The following PCDH9 variants were observed in gnomAD, a reference collection of about 807,000 sequenced individuals.
The protein encoded by PCDH9 is protocadherin 9.
Under a neutral mutation model 70.6 loss-of-function variants are expected in PCDH9, and 24 were observed. The ratio of observed to expected loss-of-function variants is 0.34; its 90% CI spans 0.25 to 0.48. The LOEUF is 0.48. PCDH9 is among the 20% of genes least tolerant of loss of function. The probability of loss-of-function intolerance (pLI) is 0.99; values close to 1 mark genes in which losing one functional copy is unlikely to be tolerated. For missense variants in PCDH9, 1,281 were observed against 1,503.6 expected (o/e 0.85, Z 2.45); for synonymous variants, 562 against 558.5 (o/e 1.01, Z -0.09).
chr13:66,883,047 T>C (rs1733107725), intron 3 of PCDH9, among the ~76,000 whole-genome samples: 2 of 152,186 alleles, frequency 1.3e-5, no homozygotes, highest in African/African-American at 2.4e-5. Context: ...TTTTCTCATC[T>C]TTTATTTTCA....
At chr13:67,134,992 C>T (rs1476915594) in intron 2 of PCDH9, among the ~76,000 whole-genome samples, 11 of 151,968 alleles carry the variant, frequency 7.2e-5, no homozygotes, top group Admixed American at 7.2e-4. Context: ...CTTTCCAGTC[C>T]CTTGTATAAT....
intron 4 of PCDH9, among the ~76,000 whole-genome samples, chr13:66,626,929 AGT>A (rs1566465575): frequency 6.0e-5 from 9 of 149,184 alleles, no homozygotes; most frequent in African/African-American, 2.2e-4. Context: ...ATTGTAGGCC[AGT>A]ATTATTAGAT....
At position 67,211,294 on chromosome 13, in the gene PCDH9, GCATC is replaced by G. The variant is rs757051245; in HGVS notation, c.3036+14107_3036+14110del. The G allele has an allele frequency of 1.8e-4, 27 of 152,072 alleles. 1 individual carries two copies. Among genetic ancestry groups the G allele is most frequent in the East Asian group, 9.6e-4 (5 of 5,186 alleles). 9.4% of individuals were successfully genotyped at this position (152,072 alleles called of 1,614,324 possible). On this transcript the variant is annotated intron_variant, in intron 2 of 4. Coordinates refer to ENST00000377865, the MANE Select transcript of PCDH9 (RefSeq NM_203487.3). The stretch of plus-strand genomic sequence containing the variant: ...CTTGGTGATAGTTGCCTAAGCCTAA[GCATC>G]CACAGAACAGTTGGAAAGATCCTTT...
intron 2 of PCDH9, among the ~76,000 whole-genome samples, chr13:67,107,536 G>A (rs1378673936): frequency 2.6e-5 from 4 of 152,180 alleles, no homozygotes; most frequent in Non-Finnish European, 5.9e-5. Flanking sequence ...ACTACCCACT[G>A]CAGGTCTCCT....
intron 4 of PCDH9, among the ~76,000 whole-genome samples, chr13:66,483,817 G>A (rs1227990252): frequency 6.6e-6 from 1 of 152,100 alleles, no homozygotes; most frequent in East Asian, 1.9e-4. Context: ...GACCACCCTG[G>A]CCTGCCACGC....
At chr13:66,865,215 G>A (rs922074524) in intron 3 of PCDH9, among the ~76,000 whole-genome samples, 1 of 152,074 alleles carries the variant, frequency 6.6e-6, no homozygotes, top group Non-Finnish European at 1.5e-5. Flanking sequence ...TGACCCTTAA[G>A]TATATTACAG....
At chr13:66,789,761 T>C (rs1257652374) in intron 3 of PCDH9, among the ~76,000 whole-genome samples, 1 of 152,164 alleles carries the variant, frequency 6.6e-6, no homozygotes, top group Non-Finnish European at 1.5e-5. Flanking sequence ...GTACAATATC[T>C]GGCATTGTGA....
chr13:66,349,056 A>G (rs1956255626), intron 4 of PCDH9, among the ~76,000 whole-genome samples: 1 of 152,178 alleles, frequency 6.6e-6, no homozygotes. Context: ...TCTGGACTCA[A>G]ACCAAACATC....
At chr13:66,658,082 C>A (rs370253953) in intron 3 of PCDH9, among the ~76,000 whole-genome samples, 2 of 152,204 alleles carry the variant, frequency 1.3e-5, no homozygotes, top group East Asian at 3.9e-4. Flanking sequence ...TATGCAAGAA[C>A]AATGCCATTT....
chr13:66,303,672 GATATT>G lies in PCDH9; in HGVS notation c.*978_*982del, dbSNP rs1443721522. On this transcript the variant is annotated 3_prime_UTR_variant, in exon 5 of 5. Coordinates refer to ENST00000377865, the MANE Select transcript of PCDH9 (RefSeq NM_203487.3). ...AGTTTTACATGAGTGACAAGTACAG[GATATT>G]ATATCACTTTTGATGGATAACAGTT... is the stretch of plus-strand genomic sequence containing the variant. 1.3e-5 allele frequency: 2 copies of G among 152,328 alleles called. No homozygotes were observed. The highest frequency in any genetic ancestry group is 4.8e-5 in the African/African-American group (2 of 41,388). 9.4% of individuals were successfully genotyped at this position (152,328 alleles called of 1,614,324 possible).
intron 3 of PCDH9, among the ~76,000 whole-genome samples, chr13:66,649,903 T>C (rs1183584250): frequency 6.6e-6 from 1 of 151,906 alleles, no homozygotes; most frequent in African/African-American, 2.4e-5. Context: ...TTAGTTATCA[T>C]TATTTTACAA....
In PCDH9 at chr13:67,227,679, C is replaced by T. The variant is rs754653968; in HGVS notation, c.762G>A (p.Glu254=). Residue 254 remains glutamate, a synonymous_variant, in exon 2 of 5, where the codon GAG becomes GAA. Transcript: ENST00000377865. The surrounding 1 kb of genome is among the most constrained non-coding windows in gnomAD (Gnocchi z 4.6). ...CTGGAATATGCACCTCCACTTGACCCTCTTTAAACACTGGCCTGTTGTCAT... is the reference window on the plus strand; with the variant it reads ...CTGGAATATGCACCTCCACTTGACCTTCTTTAAACACTGGCCTGTTGTCAT... ...DVNDNRPVFK[E]GQVEVHIPEN... 6.2e-7 allele frequency: 1 copy of T among 1,613,912 alleles called. No homozygotes were observed. The highest frequency in any genetic ancestry group is 1.3e-5 in the African/African-American group (1 of 75,026).
chr13:67,026,733 A>C (rs572434907), intron 2 of PCDH9, among the ~76,000 whole-genome samples: 20 of 152,162 alleles, frequency 1.3e-4, no homozygotes, highest in African/African-American at 4.6e-4. Context: ...ATACAAAATC[A>C]ATGTACAAAA....
intron 2 of PCDH9, among the ~76,000 whole-genome samples, chr13:66,942,997 C>T (rs2083029936): frequency 6.7e-6 from 1 of 148,200 alleles, no homozygotes; most frequent in Non-Finnish European, 1.5e-5. Flanking sequence ...TAACACGAAA[C>T]CTGAGGCTTT....
intron 3 of PCDH9, among the ~76,000 whole-genome samples, chr13:66,817,759 A>C (rs1335577361): frequency 6.6e-6 from 1 of 152,004 alleles, no homozygotes; most frequent in Admixed American, 6.6e-5. Context: ...CCCTCCAAGC[A>C]TTAACAGCTG....
chr13:67,001,241 G>T (rs2084238839), intron 2 of PCDH9, among the ~76,000 whole-genome samples: 1 of 152,160 alleles, frequency 6.6e-6, no homozygotes, highest in Non-Finnish European at 1.5e-5. Context: ...TATAGTTATT[G>T]TGCTTCTATT....
rs182147514 is a variant in PCDH9, at chr13:66,322,999, A to G, written c.3341-17971T>C. Among the ~76,000 whole-genome samples the G allele has an allele frequency of 2.2e-3, 334 of 152,184 alleles. 1 individual carries two copies. Among genetic ancestry groups the G allele is most frequent in the Non-Finnish European group, 3.9e-3 (262 of 67,998 alleles). ...TATATGTTTCCATTTTTAAAGCAAAAATATAGTTTTAACAGAACTATTAAA... is the reference window on the plus strand; with the variant it reads ...TATATGTTTCCATTTTTAAAGCAAAGATATAGTTTTAACAGAACTATTAAA... On this transcript the variant is annotated intron_variant, in intron 4 of 4. Transcript: ENST00000377865.
At chr13:66,718,969 T>C (rs748917706) in intron 3 of PCDH9, among the ~76,000 whole-genome samples, 1 of 152,164 alleles carries the variant, frequency 6.6e-6, no homozygotes, top group Non-Finnish European at 1.5e-5. Flanking sequence ...AAGACTGAGG[T>C]TGAGTGATCA....
At chr13:67,087,722 A>T (rs1311322741) in intron 2 of PCDH9, among the ~76,000 whole-genome samples, 4 of 152,060 alleles carry the variant, frequency 2.6e-5, no homozygotes, top group Non-Finnish European at 4.4e-5. Flanking sequence ...CTTTTGGATC[A>T]TCATAAGCAT....
Sources: allele counts gnomAD v4.1 joint callset (sites outside exome capture counted in the v4.1 genomes callset), GRCh38; gene constraint gnomAD v4.1.1; non-coding constraint Gnocchi (gnomAD v3.1); transcripts MANE v1.5; gene names NCBI Gene and HGNC (gene_info 2026-07-23, HGNC 2026-07-21).